Variants in TPD52L2 observed in about 807,000 individuals in gnomAD.
TPD52L2 encodes tumor protein D54.
In TPD52L2, 19 loss-of-function variants were observed where a neutral mutation model predicts 24.7. The observed-to-expected ratio is 0.77, with a 90% CI of 0.54 to 1.13. TPD52L2 has a LOEUF of 1.13. Ranked by LOEUF, TPD52L2 falls within the 50% of genes most tolerant of loss-of-function variation. The probability of loss-of-function intolerance (pLI) is 0.00; values close to 1 mark genes in which losing one functional copy is unlikely to be tolerated. For synonymous variants in TPD52L2, 104 were observed against 100.2 expected (o/e 1.04, Z -0.23); for missense variants, 236 against 250.4 (o/e 0.94, Z 0.39).
chr20:63,885,738 C>T lies in TPD52L2; in HGVS notation c.476+2918C>T, dbSNP rs533919118. Among the ~76,000 whole-genome samples, 7 of 152,340 alleles carry T rather than the reference C, an allele frequency of 4.6e-5. No homozygotes were observed. In the South Asian group the frequency reaches 1.0e-3, roughly 23 times the overall value. ...ATAAGGCGTGGACAGGGCGTGGACC[C>T]AGGGGCCTCTTGGGCACAGCCGTGA... On this transcript the variant is annotated intron_variant, in intron 5 of 6. Coordinates refer to ENST00000346249, the MANE Select transcript of TPD52L2 (RefSeq NM_003288.4).
chr20:63,874,982 A>C (rs1451630294), intron 3 of TPD52L2, among the ~76,000 whole-genome samples: 1 of 151,964 alleles, frequency 6.6e-6, no homozygotes, highest in Non-Finnish European at 1.5e-5. Context: ...TCTACTAAAA[A>C]ATAAAAAAAT....
intron 5 of TPD52L2, among the ~76,000 whole-genome samples, chr20:63,883,832 G>GCCTCCCTGCCTGCCTC (rs1555874817): frequency 6.8e-6 from 1 of 147,236 alleles, no homozygotes; most frequent in Non-Finnish European, 1.5e-5. Flanking sequence ...CTGCCTGCCT[G>GCCTCCCTGCCTGCCTC]CCTGCCTGCC....
At chr20:63,882,322 C>T (rs1031562992) in intron 4 of TPD52L2, among the ~76,000 whole-genome samples, 6 of 152,264 alleles carry the variant, frequency 3.9e-5, no homozygotes, top group African/African-American at 1.4e-4. Context: ...CCTCAGGGGG[C>T]CCGTCCGCTC....
chr20:63,887,782 A>AG (rs1379438793), intron 5 of TPD52L2: 1 of 650,088 alleles, frequency 1.5e-6, no homozygotes, highest in East Asian at 2.6e-5. Flanking sequence ...CTGACGAGGA[A>AG]GAGCTGGTAG....
intron 5 of TPD52L2, chr20:63,888,630 C>T (rs1212509199): frequency 2.2e-5 from 3 of 138,582 alleles, no homozygotes; most frequent in Non-Finnish European, 3.1e-5. Context: ...AACCTCAGTA[C>T]GAGAGCCCAG....
At chr20:63,865,466 C>G in intron 1 of TPD52L2, 82 bp downstream of exon 1, 1 of 1,460,178 alleles carries the variant, frequency 6.8e-7, no homozygotes, top group Non-Finnish European at 9.1e-7. Context: ...GCGTCTGCGA[C>G]TCTCTGTCCT....
chr20:63,889,153 CCT>C (rs1442758988), intron 5 of TPD52L2, 35 bp from the exon 6 acceptor site: 1 of 1,601,220 alleles, frequency 6.2e-7, no homozygotes, highest in African/African-American at 1.3e-5. Context: ...ACAACCCTCT[CCT>C]CTTGACACCG....
chr20:63,886,397 G>A (rs1017883771), intron 5 of TPD52L2, among the ~76,000 whole-genome samples: 13 of 149,944 alleles, frequency 8.7e-5, no homozygotes, highest in Non-Finnish European at 1.5e-5. Context: ...GTCTTGCTCT[G>A]TCGCCCAGGT....
chr20:63,876,851 A>G (rs977782572), intron 4 of TPD52L2: 9 of 454,434 alleles, frequency 2.0e-5, no homozygotes, highest in African/African-American at 1.6e-4. Flanking sequence ...GGGCATGGCT[A>G]CAGCAGCCAG....
At chr20:63,887,536 T>C (rs1487998589) in intron 5 of TPD52L2, 1 of 1,605,616 alleles carries the variant, frequency 6.2e-7, no homozygotes, top group East Asian at 2.3e-5. Context: ...CTTGCTTCCT[T>C]CTCTGCTTCT....
rs2146258975 is a variant in TPD52L2 at position 63,890,914 on chromosome 20, C to T, written c.*969C>T. On this transcript the variant is annotated 3_prime_UTR_variant, in exon 7 of 7. Transcript: ENST00000346249. ...CTGTCTTTAGCACCCTTTAAAAGAA[C>T]TGTGCCCCCCTTCTCAGTGCTGCCT... is the stretch of plus-strand genomic sequence containing the variant. 6.6e-6 allele frequency: 1 copy of T among 152,612 alleles called. No individual in the cohort carries two copies. Among genetic ancestry groups the T allele is most frequent in the East Asian group, 1.9e-4 (1 of 5,332 alleles). The allele number at this position is 152,612 out of a possible 1,614,324, so 9.5% of individuals were successfully genotyped here. A position where few individuals can be genotyped will look rare whatever the true frequency, so the allele number is the denominator to read the frequency against.
At position 63,873,743 on chromosome 20, in the gene TPD52L2, C is replaced by A. The variant is rs1288512442; in HGVS notation, c.241C>A (p.Leu81Met). Residue 81 changes from leucine (L) to methionine (M), a missense_variant, in exon 3 of 7, where the codon CTG (leucine) becomes ATG (methionine). Physicochemically the swap from Leu to Met is conservative, Grantham distance 15. Transcript: ENST00000346249. ...ERHCGELKRR[L>M]GLSTLGELKQ... is the part of the protein sequence containing the mutation. The stretch of plus-strand genomic sequence containing the variant: ...GCACTGTGGAGAGCTCAAGAGGAGG[C>A]TGGGCCTCTCCACCCTGGGGGAGCT... 2 of 1,606,850 alleles carry A rather than the reference C, an allele frequency of 1.2e-6. No individual in the cohort carries two copies. Among genetic ancestry groups the A allele is most frequent in the Non-Finnish European group, 1.7e-6 (2 of 1,177,182 alleles).
At chr20:63,875,997 C>T in intron 4 of TPD52L2, 122 bp downstream of exon 4, 1 of 961,704 alleles carries the variant, frequency 1.0e-6, no homozygotes, top group Non-Finnish European at 1.6e-6. Context: ...GCTATTTTTT[C>T]TTCCTATAAC....
At chr20:63,881,088 G>A (rs116914291) in intron 4 of TPD52L2, among the ~76,000 whole-genome samples, 2,959 of 152,110 alleles carry the variant, frequency 0.019, 60 homozygotes, top group Non-Finnish European at 0.033. Context: ...CGGGCTGGGC[G>A]CAGTGGCTCA....
intron 4 of TPD52L2, among the ~76,000 whole-genome samples, chr20:63,880,436 G>T (rs1299015177): frequency 2.0e-5 from 3 of 151,808 alleles, no homozygotes; most frequent in Non-Finnish European, 4.4e-5. Context: ...AAATGCAGGT[G>T]CAGCTTCCCC....
chr20:63,885,399 C>T (rs1243749267), intron 5 of TPD52L2, among the ~76,000 whole-genome samples: 2 of 152,222 alleles, frequency 1.3e-5, no homozygotes, highest in African/African-American at 4.8e-5. Flanking sequence ...TCAGTGGCTC[C>T]CTCCATGTCA....
rs376139579 is a variant in TPD52L2 at position 63,887,651 on chromosome 20, G to A, written c.477-1539G>A. 1.4e-5 allele frequency: 23 copies of A among 1,599,242 alleles called. No homozygotes were observed. In the Admixed American group the frequency reaches 3.2e-4, roughly 22 times the overall value. ...GCGGCTCCAGAGCCGGGTGTCTCTG[G>A]TGGGGGTTGGGGCAGCTCCCGCCGG... is the stretch of plus-strand genomic sequence containing the variant. On this transcript the variant is annotated intron_variant, in intron 5 of 6. Coordinates refer to ENST00000346249, the MANE Select transcript of TPD52L2 (RefSeq NM_003288.4).
At chr20:63,876,138 G>GTCCTGGCAGGT (rs2052668259) in intron 4 of TPD52L2, among the ~76,000 whole-genome samples, 1 of 152,194 alleles carries the variant, frequency 6.6e-6, no homozygotes, top group Non-Finnish European at 1.5e-5. Context: ...TATGTAAGAG[G>GTCCTGGCAGGT]CCTGCACTGG....
intron 1 of TPD52L2, 24 bp downstream of exon 1, chr20:63,865,408 C>T (rs1203264335): frequency 9.8e-6 from 15 of 1,528,190 alleles, no homozygotes; most frequent in Non-Finnish European, 1.2e-5. Flanking sequence ...CCGGCCCCTT[C>T]GCCGCAGATG....
Sources: allele counts gnomAD v4.1 joint callset (sites outside exome capture counted in the v4.1 genomes callset), GRCh38; gene constraint gnomAD v4.1.1; transcripts MANE v1.5; gene names NCBI Gene and HGNC (gene_info 2026-07-23, HGNC 2026-07-21).